CNKSR3: variants seen among roughly 807,000 people sequenced by gnomAD.
The protein encoded by CNKSR3 is connector enhancer of kinase suppressor of ras 3.
A neutral mutation model predicts 67.7 loss-of-function variants in CNKSR3; 36 were observed. The ratio of observed to expected loss-of-function variants is 0.53; its 90% CI spans 0.41 to 0.70. The LOEUF is 0.70. Ranked by LOEUF, CNKSR3 falls within the 30% of genes least tolerant of loss-of-function variation. The pLI is 0.00. For missense variants in CNKSR3, 630 were observed against 695.2 expected, an observed-to-expected ratio of 0.91 and a Z score of 1.05; for synonymous variants, 281 against 271.4, an observed-to-expected ratio of 1.04 and a Z score of -0.35.
chr6:154,496,266 A>C (rs936870341), intron 1 of CNKSR3, among the ~76,000 whole-genome samples: 1 of 152,216 alleles, frequency 6.6e-6, no homozygotes, highest in Non-Finnish European at 1.5e-5. Context: ...CAAAACTAAA[A>C]AAGAAATAAA....
rs1019876409 is a variant in CNKSR3, at chr6:154,400,900, AT to A, written c.*5453del. 6.6e-6 allele frequency: 1 copy of A among 152,072 alleles called. No homozygotes were observed. Among genetic ancestry groups the A allele is most frequent in the Non-Finnish European group, 1.5e-5 (1 of 67,988 alleles). 9.4% of individuals were successfully genotyped at this position (152,072 alleles called of 1,614,324 possible). A position where few individuals can be genotyped will look rare whatever the true frequency, so the allele number is the denominator to read the frequency against. On this transcript the variant is annotated 3_prime_UTR_variant, in exon 13 of 13. Transcript: ENST00000607772. ...GGTAAATTTTACAGTAAAGAGACTAATTTTTTTCTAATTCCATATGCTATAG... is the reference window on the plus strand; with the variant it reads ...GGTAAATTTTACAGTAAAGAGACTAATTTTTTCTAATTCCATATGCTATAG...
In CNKSR3 at chr6:154,430,388, G is replaced by A. The variant is rs1041974065; in HGVS notation, c.669+84C>T. 122 of 1,275,458 alleles carry A rather than the reference G, an allele frequency of 9.6e-5. 1 individual carries two copies. The highest frequency in any genetic ancestry group is 3.9e-4 in the South Asian group (26 of 66,108). The allele number at this position is 1,275,458 out of a possible 1,614,324, so 79.0% of individuals were successfully genotyped here. A position where few individuals can be genotyped will look rare whatever the true frequency, so the allele number is the denominator to read the frequency against. On this transcript the variant is annotated intron_variant, in intron 6 of 12. Coordinates refer to ENST00000607772, the MANE Select transcript of CNKSR3 (RefSeq NM_173515.4). ...TAATTCTGCTTTTCAGAATTATAGT[G>A]AAAGCAATAAGGAATTTTTTTAAAA... is the stretch of plus-strand genomic sequence containing the variant.
intron 1 of CNKSR3, among the ~76,000 whole-genome samples, chr6:154,486,291 CTCTTTT>C (rs1786663665): frequency 6.7e-6 from 1 of 149,662 alleles, no homozygotes; most frequent in Non-Finnish European, 1.5e-5. Flanking sequence ...TTCTCTCTCT[CTCTTTT>C]TCTTTTTTTT....
intron 12 of CNKSR3, among the ~76,000 whole-genome samples, chr6:154,407,870 T>G: frequency 2.6e-5 from 1 of 38,822 alleles, no homozygotes; most frequent in Non-Finnish European, 5.5e-5. Context: ...ATTTTAGAAT[T>G]TGAAAAAAAA....
intron 1 of CNKSR3, among the ~76,000 whole-genome samples, chr6:154,472,832 C>T (rs992143907): frequency 1.4e-5 from 2 of 147,660 alleles, no homozygotes; most frequent in African/African-American, 2.5e-5. Flanking sequence ...ACAACAACAA[C>T]AAAAAAACGT....
intron 2 of CNKSR3, among the ~76,000 whole-genome samples, chr6:154,443,713 G>A (rs1785651733): frequency 6.6e-6 from 1 of 152,118 alleles, no homozygotes; most frequent in African/African-American, 2.4e-5. Flanking sequence ...GATCTCCTGA[G>A]CTTGAAGATA....
At chr6:154,471,093 G>A (rs867007204) in intron 1 of CNKSR3, among the ~76,000 whole-genome samples, 5 of 152,204 alleles carry the variant, frequency 3.3e-5, no homozygotes, top group Admixed American at 2.0e-4. Context: ...TCCATATTAC[G>A]CCAAGACAGT....
intron 7 of CNKSR3, 56 bp from the exon 8 acceptor site, chr6:154,423,039 G>A (rs1349666418): frequency 1.6e-5 from 19 of 1,166,676 alleles, no homozygotes; most frequent in Non-Finnish European, 2.2e-5. Context: ...ATTTCTTTCT[G>A]CTTTTATTTC....
intron 1 of CNKSR3, among the ~76,000 whole-genome samples, chr6:154,460,639 G>A (rs981315725): frequency 6.6e-6 from 1 of 152,170 alleles, no homozygotes; most frequent in Non-Finnish European, 1.5e-5. Context: ...ATATGAAACA[G>A]AAGAAAGGAA....
intron 12 of CNKSR3, among the ~76,000 whole-genome samples, chr6:154,409,476 A>G (rs760036641): frequency 6.8e-6 from 1 of 147,456 alleles, no homozygotes; most frequent in Non-Finnish European, 1.5e-5. Flanking sequence ...CATAAGAAGG[A>G]CTTGGAAGAA....
intron 1 of CNKSR3, among the ~76,000 whole-genome samples, chr6:154,504,552 C>A (rs956227473): frequency 1.1e-4 from 17 of 152,212 alleles, no homozygotes; most frequent in African/African-American, 4.1e-4. Flanking sequence ...AGCTCCACCC[C>A]CTGGTACAAG....
chr6:154,416,318 G>C (rs1785023537), intron 9 of CNKSR3, among the ~76,000 whole-genome samples: 1 of 152,080 alleles, frequency 6.6e-6, no homozygotes, highest in African/African-American at 2.4e-5. Flanking sequence ...AAGTCACAGG[G>C]GCAGGGACTG....
rs1219903078 is a variant in CNKSR3, at chr6:154,400,843, T to C, written c.*5511A>G. 2.0e-5 allele frequency: 3 copies of C among 152,300 alleles called. No individual in the cohort carries two copies. The East Asian group carries it at 5.8e-4, about 29-fold the overall frequency. The allele number at this position is 152,300 out of a possible 1,614,324, so 9.4% of individuals were successfully genotyped here. The stretch of plus-strand genomic sequence containing the variant: ...ATAAATAGAAACTTTAAGTTGAAAC[T>C]TGGCAATTGTGAAATTTCCAAATAA... On this transcript the variant is annotated 3_prime_UTR_variant, in exon 13 of 13. Coordinates refer to ENST00000607772, the MANE Select transcript of CNKSR3 (RefSeq NM_173515.4).
chr6:154,388,719 G>A lies in CNKSR3; in HGVS notation c.*17635C>T, dbSNP rs904099535. ...ATGATAGCCATCCTGACAGGTGAGAGTTGATATCTCACGGTGGTTTTGATT... is the reference window on the plus strand; with the variant it reads ...ATGATAGCCATCCTGACAGGTGAGAATTGATATCTCACGGTGGTTTTGATT... On this transcript the variant is annotated 3_prime_UTR_variant, in exon 13 of 13. Coordinates refer to ENST00000607772, the MANE Select transcript of CNKSR3 (RefSeq NM_173515.4). The A allele has an allele frequency of 6.6e-6, 1 of 152,166 alleles. No homozygotes were observed. The highest frequency in any genetic ancestry group is 2.4e-5 in the African/African-American group (1 of 41,424). 9.4% of individuals were successfully genotyped at this position (152,166 alleles called of 1,614,324 possible).
At chr6:154,425,595 G>A (rs1358257833) in intron 7 of CNKSR3, among the ~76,000 whole-genome samples, 1 of 152,202 alleles carries the variant, frequency 6.6e-6, no homozygotes, top group Non-Finnish European at 1.5e-5. Context: ...GTGGAGGACA[G>A]AAGTATGGAT....
At chr6:154,468,393 T>TACACACACACACACACACACAC (rs55806681) in intron 1 of CNKSR3, among the ~76,000 whole-genome samples, 1 of 137,218 alleles carries the variant, frequency 7.3e-6, no homozygotes, top group Non-Finnish European at 1.6e-5. Flanking sequence ...ATATATTTTA[T>TACACACACACACACACACACAC]ACACACACAC....
intron 1 of CNKSR3, among the ~76,000 whole-genome samples, chr6:154,490,634 G>C (rs1005515145): frequency 6.6e-6 from 1 of 152,108 alleles, no homozygotes; most frequent in Admixed American, 6.5e-5. Flanking sequence ...GAGACTTACA[G>C]AGGGGCTTGG....
chr6:154,413,300 T>C (rs1176977210), intron 10 of CNKSR3, among the ~76,000 whole-genome samples: 1 of 152,098 alleles, frequency 6.6e-6, no homozygotes, highest in African/African-American at 2.4e-5. Context: ...TCATGGTGTA[T>C]TGTACTGCAG....
intron 1 of CNKSR3, among the ~76,000 whole-genome samples, chr6:154,494,494 T>C (rs1402834421): frequency 1.2e-4 from 19 of 152,106 alleles, no homozygotes; most frequent in Admixed American, 1.0e-3. Context: ...CAAGTTTTAA[T>C]AGAACTGTCA....
Sources: allele counts gnomAD v4.1 joint callset (sites outside exome capture counted in the v4.1 genomes callset), GRCh38; gene constraint gnomAD v4.1.1; transcripts MANE v1.5; gene names NCBI Gene and HGNC (gene_info 2026-07-23, HGNC 2026-07-21).